The following CFHR1 variants were observed in gnomAD, a reference collection of about 807,000 sequenced individuals.
CFHR1 encodes complement factor H related 1.
In CFHR1, 22 loss-of-function variants were observed where a neutral mutation model predicts 30.4. The observed-to-expected ratio is 0.72, with a 90% CI of 0.52 to 1.03. The LOEUF (loss-of-function observed/expected upper bound fraction) is 1.03. Ranked by LOEUF, CFHR1 falls within the 50% of genes least tolerant of loss-of-function variation. The pLI is 0.00. For missense variants in CFHR1, 248 were observed against 380.6 expected, an observed-to-expected ratio of 0.65 and a Z score of 2.90; for synonymous variants, 95 against 129.1, an observed-to-expected ratio of 0.74 and a Z score of 1.79.
At chr1:196,821,740 A>AGTGTGTGTGTGTGT (rs58358440) in intron 1 of CFHR1, among the ~76,000 whole-genome samples, 2 of 69,552 alleles carry the variant, frequency 2.9e-5, no homozygotes, top group African/African-American at 9.0e-5. Context: ...ACTGTGAGTG[A>AGTGTGTGTGTGTGT]GTGTGTGTGT....
intron 1 of CFHR1, among the ~76,000 whole-genome samples, chr1:196,822,377 C>G (rs1439702776): frequency 7.5e-6 from 1 of 132,836 alleles, no homozygotes; most frequent in East Asian, 2.0e-4. Flanking sequence ...TTATGTTAAC[C>G]TTTTTACTTC....
At chr1:196,824,319 A>G (rs1236764842) in intron 1 of CFHR1, among the ~76,000 whole-genome samples, 1 of 133,444 alleles carries the variant, frequency 7.5e-6, no homozygotes, top group Non-Finnish European at 1.6e-5. Flanking sequence ...GTTTAGTGGC[A>G]TGATCTCCGC....
rs1464214028 is a variant in CFHR1 at position 196,825,660 on chromosome 1, CAA to C, written c.244_245del (p.Lys82ValfsTer16). Reference sequence around the variant, plus strand: ...ACAGAAGAAGGATGGTCACCAACACCAAAGTGTCTCAGTGAGTAAATGCTCTG... The same window carrying C: ...ACAGAAGAAGGATGGTCACCAACACCAGTGTCTCAGTGAGTAAATGCTCTG... On this transcript the variant is annotated frameshift_variant, in exon 2 of 6. Coordinates refer to ENST00000320493, the MANE Select transcript of CFHR1 (RefSeq NM_002113.3). LOFTEE classifies it high-confidence loss of function. The C allele has an allele frequency of 6.6e-7, 1 of 1,522,120 alleles. No homozygotes were observed. Among genetic ancestry groups the C allele is most frequent in the Non-Finnish European group, 8.9e-7 (1 of 1,127,020 alleles). The allele number at this position is 1,522,120 out of a possible 1,614,324, so 94.3% of individuals were successfully genotyped here.
intron 3 of CFHR1, among the ~76,000 whole-genome samples, chr1:196,827,589 A>G (rs1458862052): frequency 7.4e-6 from 1 of 135,986 alleles, no homozygotes; most frequent in Non-Finnish European, 1.6e-5. Context: ...ATGTGTTTTT[A>G]AATCTTTGCT....
chr1:196,825,357 G>A, intron 1 of CFHR1, 120 bp from the exon 2 acceptor site: 1 of 754,478 alleles, frequency 1.3e-6, no homozygotes, highest in Non-Finnish European at 2.0e-6. Context: ...AAGCATTTAA[G>A]CTAAAGGCAT....
intron 1 of CFHR1, among the ~76,000 whole-genome samples, chr1:196,824,764 A>G (rs1423076798): frequency 9.5e-6 from 1 of 105,348 alleles, no homozygotes; most frequent in Non-Finnish European, 1.8e-5. Context: ...ATATATATAT[A>G]TATATATATA....
In CFHR1 at chr1:196,829,477, T is replaced by A. The variant is rs989829522; in HGVS notation, c.608-1023T>A. On this transcript the variant is annotated intron_variant, in intron 4 of 5. Transcript: ENST00000320493. ...ATCTGTTTTATTTTAATTTGAAGAA[T>A]TCCTTTAGTTATCTTTAGGCATAGG... Among the ~76,000 whole-genome samples, 9 of 135,480 alleles carry A rather than the reference T, an allele frequency of 6.6e-5. 1 individual carries two copies. The highest frequency in any genetic ancestry group is 6.2e-5 in the Non-Finnish European group (4 of 64,226). The allele number at this position is 135,480 out of a possible 152,430, so 88.9% of individuals were successfully genotyped here.
At chr1:196,824,775 T>TATATATATATATAC (rs1384406183) in intron 1 of CFHR1, among the ~76,000 whole-genome samples, 2 of 111,758 alleles carry the variant, frequency 1.8e-5, no homozygotes, top group Non-Finnish European at 3.5e-5. Context: ...TATATATATA[T>TATATATATATATAC]ATATATGTGC....
Position 196,827,075 on chromosome 1 carries a change from C to T in CFHR1, c.430+70C>T. On this transcript the variant is annotated intron_variant, in intron 3 of 5. Coordinates refer to ENST00000320493, the MANE Select transcript of CFHR1 (RefSeq NM_002113.3). ...GTTTGAGAGAAATAAATCTTTTTTA[C>T]AGGTTAAATATAGGTTTTGCCACAT... 1.4e-6 allele frequency: 2 copies of T among 1,394,228 alleles called. 1 individual carries two copies. The highest frequency in any genetic ancestry group is 2.0e-6 in the Non-Finnish European group (2 of 1,015,636). The allele number at this position is 1,394,228 out of a possible 1,614,324, so 86.4% of individuals were successfully genotyped here. A position where few individuals can be genotyped will look rare whatever the true frequency, so the allele number is the denominator to read the frequency against.
intron 3 of CFHR1, among the ~76,000 whole-genome samples, chr1:196,827,470 GAA>G (rs1655376025): frequency 1.5e-5 from 2 of 135,356 alleles, no homozygotes; most frequent in South Asian, 5.1e-4. Context: ...TAAATTATCT[GAA>G]GTTATTTTTA....
intron 1 of CFHR1, 59 bp from the exon 2 acceptor site, chr1:196,825,417 TC>T: frequency 8.6e-7 from 1 of 1,164,570 alleles, no homozygotes; most frequent in Non-Finnish European, 1.2e-6. Flanking sequence ...TAAAATATAA[TC>T]TAGTGATTTA....
intron 4 of CFHR1, among the ~76,000 whole-genome samples, chr1:196,829,917 T>G (rs141760914): frequency 0.021 from 2,839 of 134,380 alleles, 788 homozygotes; most frequent in African/African-American, 0.083. Flanking sequence ...TTTCTGCATC[T>G]GCATTATTTG....
rs191571836 is a variant in CFHR1 at position 196,829,916 on chromosome 1, C to T, written c.608-584C>T. On this transcript the variant is annotated intron_variant, in intron 4 of 5. Coordinates refer to ENST00000320493, the MANE Select transcript of CFHR1 (RefSeq NM_002113.3). ...TATCCTTTCTCTTCTTTTTCTGCAT[C>T]TGCATTATTTGTTGTTGTATTTTTC... Among the ~76,000 whole-genome samples, 128 of 133,810 alleles carry T rather than the reference C, an allele frequency of 9.6e-4. 18 individuals carry two copies. In the East Asian group the frequency reaches 0.022, roughly 23 times the overall value. 87.8% of individuals were successfully genotyped at this position (133,810 alleles called of 152,430 possible).
rs113120201 is a variant in CFHR1, at chr1:196,825,053, G to C, written c.59-424G>C. ...AAAAAAAAATAGGACAGAGTTTCTGGCAGAGACACCTATGGCAGTCAATGA... is the reference window on the plus strand; with the variant it reads ...AAAAAAAAATAGGACAGAGTTTCTGCCAGAGACACCTATGGCAGTCAATGA... On this transcript the variant is annotated intron_variant, in intron 1 of 5. Transcript: ENST00000320493. Among the ~76,000 whole-genome samples, 20 of 130,760 alleles carry C rather than the reference G, an allele frequency of 1.5e-4. 7 individuals are homozygous for C. The highest frequency in any genetic ancestry group is 6.0e-4 in the African/African-American group (18 of 29,848). 85.8% of individuals were successfully genotyped at this position (130,760 alleles called of 152,430 possible).
Position 196,830,643 on chromosome 1 carries a change from T to C in CFHR1, c.751T>C (p.Cys251Arg). 2.0e-6 allele frequency: 3 copies of C among 1,524,496 alleles called. 1 individual carries two copies. Among genetic ancestry groups the C allele is most frequent in the Non-Finnish European group, 2.7e-6 (3 of 1,128,936 alleles). The allele number at this position is 1,524,496 out of a possible 1,614,324, so 94.4% of individuals were successfully genotyped here. A position where few individuals can be genotyped will look rare whatever the true frequency, so the allele number is the denominator to read the frequency against. The stretch of plus-strand genomic sequence containing the variant: ...ACTTGAGGGTAACAAGCGAATAACA[T>C]GTAGAAATGGACAATGGTCAGAACC... ...YQLEGNKRIT[C>R]RNGQWSEPPK... The change falls in exon 5 of 6, where the codon TGT becomes CGT. Residue 251 changes from cysteine (C) to arginine (R), a missense_variant. Physicochemically the swap from Cys to Arg is radical, Grantham distance 180. Transcript: ENST00000320493.
Position 196,825,466 on chromosome 1 carries a change from T to C in CFHR1, c.59-11T>C. The stretch of plus-strand genomic sequence containing the variant: ...ATTATGTAATTCTTCAGTTTTATGT[T>C]ATTTTCCCAGCAACATTTTGTGATT... On this transcript the variant is annotated splice_polypyrimidine_tract_variant and intron_variant, in intron 1 of 5. Coordinates refer to ENST00000320493, the MANE Select transcript of CFHR1 (RefSeq NM_002113.3). The C allele has an allele frequency of 6.9e-7, 1 of 1,439,442 alleles. No homozygotes were observed. The highest frequency in any genetic ancestry group is 9.5e-7 in the Non-Finnish European group (1 of 1,055,874). 89.2% of individuals were successfully genotyped at this position (1,439,442 alleles called of 1,614,324 possible).
chr1:196,830,741 C>T lies in CFHR1; in HGVS notation c.790+59C>T. ...TCAGTGTGATGAGTCTGATATTTTG[C>T]TGTTGGTAACAAAATAATCACAGAT... On this transcript the variant is annotated intron_variant, in intron 5 of 5. Transcript: ENST00000320493. 3.4e-6 allele frequency: 5 copies of T among 1,490,432 alleles called. 1 individual carries two copies. Among genetic ancestry groups the T allele is most frequent in the Non-Finnish European group, 2.7e-6 (3 of 1,098,354 alleles). 92.3% of individuals were successfully genotyped at this position (1,490,432 alleles called of 1,614,324 possible). A position where few individuals can be genotyped will look rare whatever the true frequency, so the allele number is the denominator to read the frequency against.
rs1655295362 is a variant in CFHR1 at position 196,825,658 on chromosome 1, A to C, written c.240A>C (p.Thr80=). The C allele has an allele frequency of 3.3e-6, 5 of 1,523,440 alleles. No individual in the cohort carries two copies. In the East Asian group the frequency reaches 1.1e-4, roughly 34 times the overall value. 94.4% of individuals were successfully genotyped at this position (1,523,440 alleles called of 1,614,324 possible). The change falls in exon 2 of 6, where the codon ACA becomes ACC. Residue 80 remains threonine (T), a synonymous_variant. Coordinates refer to ENST00000320493, the MANE Select transcript of CFHR1 (RefSeq NM_002113.3). ...ITCTEEGWSP[T]PKCLRLCFFP... ...GCACAGAAGAAGGATGGTCACCAAC[A>C]CCAAAGTGTCTCAGTGAGTAAATGC...
rs748802170 is a variant in CFHR1, at chr1:196,826,813, C to T, written c.254-16C>T. ...GCTACTTCCATCTTGTACATTAATC[C>T]GTTTTTGGTCCTTAGGACTGTGTTT... On this transcript the variant is annotated splice_polypyrimidine_tract_variant and intron_variant, in intron 2 of 5. Coordinates refer to ENST00000320493, the MANE Select transcript of CFHR1 (RefSeq NM_002113.3). 2 of 1,514,162 alleles carry T rather than the reference C, an allele frequency of 1.3e-6. No individual in the cohort carries two copies. Among genetic ancestry groups the T allele is most frequent in the Non-Finnish European group, 1.8e-6 (2 of 1,120,876 alleles). 93.8% of individuals were successfully genotyped at this position (1,514,162 alleles called of 1,614,324 possible). A position where few individuals can be genotyped will look rare whatever the true frequency, so the allele number is the denominator to read the frequency against.
Sources: allele counts gnomAD v4.1 joint callset (sites outside exome capture counted in the v4.1 genomes callset), GRCh38; gene constraint gnomAD v4.1.1; transcripts MANE v1.5; gene names NCBI Gene and HGNC (gene_info 2026-07-23, HGNC 2026-07-21).